The following LTBP1 variants were observed in gnomAD, a reference collection of about 807,000 sequenced individuals.
LTBP1 encodes latent transforming growth factor beta binding protein 1, also known as latent-transforming growth factor beta-binding protein 1.
Under a neutral mutation model 207.6 loss-of-function variants are expected in LTBP1, and 129 were observed. The ratio of observed to expected loss-of-function variants is 0.62; its 90% CI spans 0.54 to 0.72. The LOEUF is 0.72. LTBP1 is among the 30% of genes least tolerant of loss of function. LTBP1 has a pLI of 0.00. For missense variants in LTBP1, 2,281 were observed against 2,217.2 expected (o/e 1.03, Z -0.58); for synonymous variants, 963 against 833.7 (o/e 1.16, Z -2.67).
At chr2:33,313,743 CTG>C (rs2094220311) in intron 23 of LTBP1, among the ~76,000 whole-genome samples, 1 of 152,146 alleles carries the variant, frequency 6.6e-6, no homozygotes, top group Non-Finnish European at 1.5e-5. Flanking sequence ...AGGAAAATAA[CTG>C]AGAAATTTTG....
At chr2:33,080,096 G>A (rs12476104) in intron 3 of LTBP1, among the ~76,000 whole-genome samples, 7,167 of 151,822 alleles carry the variant, frequency 0.047, 601 homozygotes, top group East Asian at 0.34. Context: ...GTATGATCTC[G>A]GCTCACTGCA....
chr2:33,093,449 A>G (rs559941756), intron 3 of LTBP1, among the ~76,000 whole-genome samples: 4 of 152,272 alleles, frequency 2.6e-5, no homozygotes, highest in South Asian at 4.1e-4. Flanking sequence ...AAGCATTTTG[A>G]AACATTCTCT....
intron 3 of LTBP1, among the ~76,000 whole-genome samples, chr2:33,078,132 T>C (rs1328157530): frequency 6.6e-6 from 1 of 152,246 alleles, no homozygotes; most frequent in Non-Finnish European, 1.5e-5. Context: ...TTGGAGACGG[T>C]TGAGACCCTT....
chr2:33,041,829 G>A (rs2076201775), intron 3 of LTBP1, among the ~76,000 whole-genome samples: 1 of 152,060 alleles, frequency 6.6e-6, no homozygotes, highest in African/African-American at 2.4e-5. Flanking sequence ...TAATGATAAA[G>A]ATATGTACCA....
At chr2:32,995,394 G>A (rs1282364038) in intron 2 of LTBP1, among the ~76,000 whole-genome samples, 1 of 152,170 alleles carries the variant, frequency 6.6e-6, no homozygotes, top group Non-Finnish European at 1.5e-5. Flanking sequence ...GTGATGCTGT[G>A]CTACTGGTCT....
intron 9 of LTBP1, among the ~76,000 whole-genome samples, chr2:33,228,620 G>A (rs2091587964): frequency 6.7e-6 from 1 of 148,654 alleles, no homozygotes; most frequent in African/African-American, 2.5e-5. Flanking sequence ...TTCTCAATTA[G>A]ACATTGAGAC....
chr2:33,303,563 G>A (rs934796279), intron 22 of LTBP1, among the ~76,000 whole-genome samples: 5 of 152,004 alleles, frequency 3.3e-5, no homozygotes, highest in African/African-American at 1.2e-4. Context: ...TGTTAACCTG[G>A]ATGGTCTTGA....
intron 2 of LTBP1, among the ~76,000 whole-genome samples, chr2:33,004,085 C>A (rs1686426209): frequency 7.1e-6 from 1 of 140,396 alleles, no homozygotes; most frequent in South Asian, 2.5e-4. Flanking sequence ...AATGCCCATT[C>A]CTTAATAAAT....
intron 9 of LTBP1, among the ~76,000 whole-genome samples, chr2:33,240,777 AG>A (rs1012368924): frequency 1.3e-5 from 2 of 149,602 alleles, no homozygotes; most frequent in African/African-American, 4.9e-5. Flanking sequence ...CAGCCTCCTG[AG>A]TAGCTGGGAC....
chr2:33,378,409 T>A (rs908106838), intron 31 of LTBP1, among the ~76,000 whole-genome samples: 3 of 151,996 alleles, frequency 2.0e-5, no homozygotes, highest in Non-Finnish European at 2.9e-5. Flanking sequence ...TTATTATTAT[T>A]TTAGTAGAAA....
intron 2 of LTBP1, among the ~76,000 whole-genome samples, chr2:32,962,035 G>A (rs1679200713): frequency 6.6e-6 from 1 of 150,662 alleles, no homozygotes; most frequent in African/African-American, 2.4e-5. Context: ...TGACCAGTTT[G>A]TACACTTTTT....
intron 19 of LTBP1, among the ~76,000 whole-genome samples, chr2:33,287,143 G>A (rs2093682519): frequency 6.6e-6 from 1 of 152,180 alleles, no homozygotes; most frequent in Admixed American, 6.5e-5. Flanking sequence ...CAGGCAGCAT[G>A]GTTTGTGGGA....
intron 2 of LTBP1, among the ~76,000 whole-genome samples, chr2:32,983,946 G>C (rs749755201): frequency 1.2e-4 from 18 of 152,090 alleles, no homozygotes; most frequent in Non-Finnish European, 2.5e-4. Flanking sequence ...TTAGATCTTT[G>C]GAACATAAAG....
At chr2:33,334,233 G>T (rs2094529173) in intron 24 of LTBP1, among the ~76,000 whole-genome samples, 1 of 152,320 alleles carries the variant, frequency 6.6e-6, no homozygotes, top group South Asian at 2.1e-4. Context: ...AATATGGAAT[G>T]ATCCAATAGA....
At chr2:33,237,892 G>C (rs1321664203) in intron 9 of LTBP1, among the ~76,000 whole-genome samples, 1 of 152,128 alleles carries the variant, frequency 6.6e-6, no homozygotes, top group Non-Finnish European at 1.5e-5. Context: ...TATATTCTTA[G>C]GCAGATGACT....
At chr2:33,289,476 C>T (rs916042383) in intron 19 of LTBP1, among the ~76,000 whole-genome samples, 3 of 152,146 alleles carry the variant, frequency 2.0e-5, no homozygotes, top group Admixed American at 2.0e-4. Flanking sequence ...TCTCCTGCCT[C>T]AGCCTCCCAA....
intron 4 of LTBP1, 77 bp downstream of exon 4, chr2:33,110,828 T>C: frequency 7.7e-7 from 1 of 1,306,222 alleles, no homozygotes; most frequent in Non-Finnish European, 1.0e-6. Context: ...TGTAGACGGC[T>C]TTAATGTGTC....
intron 3 of LTBP1, among the ~76,000 whole-genome samples, chr2:33,028,892 G>A (rs2075557376): frequency 6.6e-6 from 1 of 152,196 alleles, no homozygotes; most frequent in Admixed American, 6.5e-5. Flanking sequence ...CAGGCAGCCA[G>A]CCTCTTGGGA....
chr2:33,074,472 C>T (rs1206133393), intron 3 of LTBP1, among the ~76,000 whole-genome samples: 1 of 151,996 alleles, frequency 6.6e-6, no homozygotes, highest in Admixed American at 6.6e-5. Context: ...CATGGTGGCT[C>T]ATGCCTGTAA....
Sources: allele counts gnomAD v4.1 joint callset (sites outside exome capture counted in the v4.1 genomes callset), GRCh38; gene constraint gnomAD v4.1.1; transcripts MANE v1.5; gene names NCBI Gene and HGNC (gene_info 2026-07-23, HGNC 2026-07-21).